ZBED6: variants seen among roughly 807,000 people sequenced by gnomAD.
ZBED6 encodes zinc finger BED domain-containing protein 6.
A neutral mutation model predicts 58.4 loss-of-function variants in ZBED6; 40 were observed. The ratio of observed to expected loss-of-function variants is 0.68; its 90% CI spans 0.53 to 0.89. ZBED6 has a LOEUF of 0.89. ZBED6 is among the 40% of genes least tolerant of loss of function. The pLI, the probability that ZBED6 is intolerant of heterozygous loss-of-function variation, is 0.00. For missense variants in ZBED6, 1,057 were observed against 1,003.9 expected, an observed-to-expected ratio of 1.05 and a Z score of -0.71; for synonymous variants, 439 against 350.6, an observed-to-expected ratio of 1.25 and a Z score of -2.82.
chr1:203,838,132 G>A, intron 10 of ZBED6, 68 bp downstream of exon 10: 1 of 1,429,608 alleles, frequency 7.0e-7, no homozygotes, highest in Non-Finnish European at 9.7e-7. Context: ...AATGCTAACA[G>A]CTATGGTTTT....
intron 3 of ZBED6, among the ~76,000 whole-genome samples, chr1:203,826,050 A>T (rs1318525727): frequency 1.3e-5 from 2 of 152,204 alleles, no homozygotes; most frequent in Non-Finnish European, 2.9e-5. Context: ...TGTAAAATTT[A>T]AGCAAAGGTA....
At chr1:203,821,781 G>A (rs1177812675) in intron 3 of ZBED6, among the ~76,000 whole-genome samples, 8 of 149,778 alleles carry the variant, frequency 5.3e-5, no homozygotes, top group African/African-American at 1.5e-4. Flanking sequence ...TTTTTGAGAC[G>A]GAGTCTTGCT....
chr1:203,797,921 C>A, exon 1 of ZBED6: 1 of 1,535,888 alleles, frequency 6.5e-7, no homozygotes. Flanking sequence ...CCAAGACCTC[C>A]ATTGTGTGGC....
At chr1:203,836,453 G>A (rs190494154) in intron 9 of ZBED6, among the ~76,000 whole-genome samples, 1 of 152,128 alleles carries the variant, frequency 6.6e-6, no homozygotes, top group Non-Finnish European at 1.5e-5. Flanking sequence ...ATTGAACAGT[G>A]TAATAAAACT....
At chr1:203,805,314 G>A (rs911750756) in intron 1 of ZBED6, among the ~76,000 whole-genome samples, 5 of 151,756 alleles carry the variant, frequency 3.3e-5, no homozygotes, top group Admixed American at 2.6e-4. Context: ...TGTATTTTTA[G>A]TAGAGATGGG....
intron 1 of ZBED6, among the ~76,000 whole-genome samples, chr1:203,806,729 A>C (rs1482988479): frequency 6.6e-6 from 1 of 150,994 alleles, no homozygotes; most frequent in East Asian, 1.9e-4. Context: ...GTTTTACCAT[A>C]TTGCATATGC....
At chr1:203,837,555 C>G (rs570298688) in intron 9 of ZBED6, among the ~76,000 whole-genome samples, 2 of 151,814 alleles carry the variant, frequency 1.3e-5, no homozygotes, top group Non-Finnish European at 2.9e-5. Flanking sequence ...TCACTGTAGC[C>G]TTTCTACCTC....
intron 3 of ZBED6, among the ~76,000 whole-genome samples, chr1:203,823,309 TAG>T (rs1278465699): frequency 6.6e-6 from 1 of 152,044 alleles, no homozygotes; most frequent in Admixed American, 6.6e-5. Context: ...CCACTCCCTT[TAG>T]GGGTGACACA....
In ZBED6 at chr1:203,809,534, G is replaced by T. The variant is rs146554087; in HGVS notation, c.*2554+6518G>T. On this transcript the variant is annotated intron_variant, in intron 1 of 16. Transcript: ENST00000550078. The stretch of plus-strand genomic sequence containing the variant: ...AGCAATGCTATATCCTTTAAAACTT[G>T]CTGAGAGCATGAAGATTTTAAAATA... Among the ~76,000 whole-genome samples, 278 of 152,178 alleles carry T rather than the reference G, an allele frequency of 1.8e-3. 7 individuals are homozygous for T. The East Asian group carries it at 0.043, about 23-fold the overall frequency.
intron 11 of ZBED6, among the ~76,000 whole-genome samples, chr1:203,846,158 T>TG (rs1465451312): frequency 4.4e-5 from 6 of 137,810 alleles, no homozygotes; most frequent in Non-Finnish European, 9.6e-5. Context: ...ATATAATTTT[T>TG]TTGGGGGGGG....
intron 16 of ZBED6, 148 bp downstream of exon 16, chr1:203,851,272 G>T: frequency 2.7e-6 from 2 of 735,838 alleles, no homozygotes; most frequent in Non-Finnish European, 4.3e-6. Flanking sequence ...GAAAATCTAG[G>T]GTTGCTGTTC....
intron 1 of ZBED6, among the ~76,000 whole-genome samples, chr1:203,812,780 C>A (rs1363954019): frequency 6.6e-6 from 1 of 151,932 alleles, no homozygotes; most frequent in Non-Finnish European, 1.5e-5. Context: ...TGGGGTCTCA[C>A]CATGTTTGCC....
intron 11 of ZBED6, among the ~76,000 whole-genome samples, chr1:203,844,149 G>A (rs902584303): frequency 2.6e-5 from 4 of 151,382 alleles, no homozygotes; most frequent in East Asian, 2.0e-4. Flanking sequence ...GAGCCACTGT[G>A]CCCGCCTTTA....
Position 203,825,726 on chromosome 1 carries a change from G to A in ZBED6, c.*2874-2573G>A, listed in dbSNP as rs545332488. Among the ~76,000 whole-genome samples the A allele has an allele frequency of 1.1e-4, 16 of 152,194 alleles. No homozygotes were observed. The South Asian group carries it at 3.1e-3, about 30-fold the overall frequency. On this transcript the variant is annotated intron_variant, in intron 3 of 16. Coordinates refer to ENST00000550078, the Ensembl canonical transcript of ZBED6. ...AGGCGTGAGCCACCACGCCTGGCATGTGGAGGATATTACTAAGGAAAAATG... is the reference window on the plus strand; with the variant it reads ...AGGCGTGAGCCACCACGCCTGGCATATGGAGGATATTACTAAGGAAAAATG...
At chr1:203,828,265 T>G in intron 3 of ZBED6, 34 bp from the exon 4 acceptor site, 3 of 1,613,220 alleles carry the variant, frequency 1.9e-6, no homozygotes, top group Non-Finnish European at 2.5e-6. Flanking sequence ...TATCACTGTT[T>G]TATTTGAAAG....
intron 11 of ZBED6, among the ~76,000 whole-genome samples, chr1:203,844,749 T>TA (rs1173514482): frequency 6.6e-6 from 1 of 152,134 alleles, no homozygotes; most frequent in Non-Finnish European, 1.5e-5. Flanking sequence ...TGGGGGCTCA[T>TA]ACAATTGCCA....
At chr1:203,835,808 G>A (rs113996795) in intron 9 of ZBED6, 2,881 of 241,054 alleles carry the variant, frequency 0.012, 78 homozygotes, top group African/African-American at 0.056. Flanking sequence ...TTTCATCTGG[G>A]GCATAAACAC....
At chr1:203,802,183 C>T (rs985706232) in exon 1 of ZBED6, 1 of 152,602 alleles carries the variant, frequency 6.6e-6, no homozygotes, top group Non-Finnish European at 1.5e-5. Flanking sequence ...TTTGGTTAAA[C>T]ACTCCCTGAT....
chr1:203,799,125 T>C (rs1473229768), exon 1 of ZBED6: 1 of 1,520,512 alleles, frequency 6.6e-7, no homozygotes, highest in East Asian at 2.4e-5. Flanking sequence ...TAAAGACTGT[T>C]TGATAACCAA....
Sources: gnomAD v4.1 joint callset for allele counts (sites outside exome capture counted in the v4.1 genomes callset) on GRCh38, gnomAD v4.1.1 for gene constraint, MANE v1.5 for transcripts, NCBI Gene and HGNC (gene_info 2026-07-23, HGNC 2026-07-21) for gene names.